DYNC1LI1: variants seen among roughly 807,000 people sequenced by gnomAD.
DYNC1LI1 encodes cytoplasmic dynein 1 light intermediate chain 1.
Under a neutral mutation model 63.8 loss-of-function variants are expected in DYNC1LI1, and 19 were observed. The observed-to-expected ratio is 0.30, with a 90% CI of 0.21 to 0.44. The LOEUF is 0.44. Among genes scored for constraint, DYNC1LI1 ranks in the 20% least tolerant of loss-of-function variants. The probability of loss-of-function intolerance (pLI) is 1.00; values close to 1 mark genes in which losing one functional copy is unlikely to be tolerated. For missense variants in DYNC1LI1, 565 were observed against 630.2 expected, an observed-to-expected ratio of 0.90 and a Z score of 1.11; for synonymous variants, 225 against 232.3, an observed-to-expected ratio of 0.97 and a Z score of 0.28.
At chr3:32,528,315 T>C (rs1380935528) in intron 12 of DYNC1LI1, 131 bp downstream of exon 12, 2 of 924,040 alleles carry the variant, frequency 2.2e-6, no homozygotes, top group African/African-American at 3.3e-5. Context: ...TAAAATCAGA[T>C]TATGGTGATG....
At chr3:32,561,684 T>C (rs916551581) in intron 2 of DYNC1LI1, among the ~76,000 whole-genome samples, 1 of 151,832 alleles carries the variant, frequency 6.6e-6, no homozygotes, top group African/African-American at 2.4e-5. Flanking sequence ...AATACTTATG[T>C]AGAAAGATTT....
chr3:32,563,060 G>A (rs979989642), intron 2 of DYNC1LI1, among the ~76,000 whole-genome samples: 1 of 151,908 alleles, frequency 6.6e-6, no homozygotes, highest in Non-Finnish European at 1.5e-5. Flanking sequence ...ACTACTTTGA[G>A]TCTCTTCCCC....
Position 32,540,014 on chromosome 3 carries a change from G to A in DYNC1LI1, c.738+1023C>T, listed in dbSNP as rs533143166. On this transcript the variant is annotated intron_variant, in intron 5 of 12. Transcript: ENST00000273130. ...TGAGTAGCTGGGACTAAAGGCGCCC[G>A]CCACCACGCCTGGCTAATTTTTTTG... is the stretch of plus-strand genomic sequence containing the variant. 4.0e-3 allele frequency among the ~76,000 whole-genome samples: 605 copies of A among 150,992 alleles called. 15 individuals carry two copies. Among genetic ancestry groups the A allele is most frequent in the Non-Finnish European group, 9.0e-4 (61 of 67,810 alleles).
chr3:32,530,679 C>T, intron 8 of DYNC1LI1, 159 bp from the exon 9 acceptor site: 1 of 639,514 alleles, frequency 1.6e-6, no homozygotes, highest in East Asian at 2.8e-5. Flanking sequence ...TACCCAAGGC[C>T]TTCAGCAGAG....
Position 32,526,701 on chromosome 3 carries a change from A to G in DYNC1LI1, c.*98T>C, listed in dbSNP as rs1697623482. 1.2e-6 allele frequency: 1 copy of G among 862,818 alleles called. No homozygotes were observed. Among genetic ancestry groups the G allele is most frequent in the Non-Finnish European group, 1.9e-6 (1 of 530,738 alleles). 53.4% of individuals were successfully genotyped at this position (862,818 alleles called of 1,614,324 possible). On this transcript the variant is annotated 3_prime_UTR_variant, in exon 13 of 13. Coordinates refer to ENST00000273130, the MANE Select transcript of DYNC1LI1 (RefSeq NM_016141.4). ...CACGACATAAATTTAGTCCATCTGA[A>G]GAAGCACTCCAGCTTTCTAATTCCA...
rs975843700 is a variant in DYNC1LI1 at position 32,570,165 on chromosome 3, G to A, written c.220+181C>T. ...CCTGAGGGAGGGCGGGTCCCCGCAG[G>A]TCCTGGGTCAAGGGTCTCGTGTTCC... is the stretch of plus-strand genomic sequence containing the variant. On this transcript the variant is annotated intron_variant, in intron 2 of 12. Coordinates refer to ENST00000273130, the MANE Select transcript of DYNC1LI1 (RefSeq NM_016141.4). 2.1e-5 allele frequency: 15 copies of A among 707,234 alleles called. No homozygotes were observed. In the Middle Eastern group the frequency reaches 2.3e-3, roughly 108 times the overall value. The allele number at this position is 707,234 out of a possible 1,614,324, so 43.8% of individuals were successfully genotyped here.
In DYNC1LI1 at chr3:32,541,063, T is replaced by C. The variant is rs1697873516; in HGVS notation, c.712A>G (p.Ile238Val). Residue 238 changes from isoleucine (I) to valine (V), a missense_variant, in exon 5 of 13, where the codon ATT becomes GTT. By Grantham distance (29) the Ile-to-Val change is conservative. Transcript: ENST00000273130. ...TTTGTGCAAACTACTAGTACTGGAA[T>C]GCCCAAGTTATGTGTAAGTGTATCC... ...GADTLTHNLG[I>V]PVLVVCTKCD... 2 of 1,611,668 alleles carry C rather than the reference T, an allele frequency of 1.2e-6. No individual in the cohort carries two copies. Among genetic ancestry groups the C allele is most frequent in the Non-Finnish European group, 1.7e-6 (2 of 1,178,930 alleles).
At chr3:32,537,909 A>AATT (rs1697799043) in intron 5 of DYNC1LI1, among the ~76,000 whole-genome samples, 1 of 82,080 alleles carries the variant, frequency 1.2e-5, no homozygotes, top group African/African-American at 5.3e-5. Context: ...TAATATATAT[A>AATT]TATAATTTAT....
chr3:32,553,842 T>C (rs540688672), intron 2 of DYNC1LI1, among the ~76,000 whole-genome samples: 3 of 152,352 alleles, frequency 2.0e-5, no homozygotes, highest in South Asian at 2.1e-4. Context: ...TCTGGATTCA[T>C]AGGAATTTAA....
chr3:32,551,776 T>C (rs1698045888), intron 2 of DYNC1LI1, among the ~76,000 whole-genome samples: 1 of 152,172 alleles, frequency 6.6e-6, no homozygotes, highest in South Asian at 2.1e-4. Flanking sequence ...ACCATCCTCT[T>C]TACCAGCTGC....
chr3:32,558,625 C>T (rs1390008289), intron 2 of DYNC1LI1, among the ~76,000 whole-genome samples: 3 of 152,050 alleles, frequency 2.0e-5, no homozygotes, highest in African/African-American at 7.2e-5. Context: ...GCGGGCCGAT[C>T]ATCTGAGGTT....
At chr3:32,547,468 A>G (rs1697971225) in intron 2 of DYNC1LI1, among the ~76,000 whole-genome samples, 1 of 151,546 alleles carries the variant, frequency 6.6e-6, no homozygotes, top group African/African-American at 2.4e-5. Context: ...TTCCATGTTA[A>G]GCTAAAAAAA....
intron 2 of DYNC1LI1, among the ~76,000 whole-genome samples, chr3:32,558,969 C>T (rs1326698050): frequency 6.6e-6 from 1 of 151,968 alleles, no homozygotes; most frequent in South Asian, 2.1e-4. Flanking sequence ...TCCATTTGTT[C>T]CCCAACTTCT....
chr3:32,557,802 G>C (rs1009142070), intron 2 of DYNC1LI1, among the ~76,000 whole-genome samples: 1 of 152,164 alleles, frequency 6.6e-6, no homozygotes, highest in Non-Finnish European at 1.5e-5. Flanking sequence ...TCAGCTGGCA[G>C]TGAAACAGAC....
chr3:32,532,943 A>G (rs374210834), intron 8 of DYNC1LI1, 43 bp downstream of exon 8: 94 of 1,515,424 alleles, frequency 6.2e-5, no homozygotes, highest in Non-Finnish European at 8.1e-5. Flanking sequence ...CCCTCAGGTT[A>G]GTCTAAAGTC....
rs796169168 is a variant in DYNC1LI1, at chr3:32,543,439, G to A, written c.568+1437C>T. On this transcript the variant is annotated intron_variant, in intron 4 of 12. Coordinates refer to ENST00000273130, the MANE Select transcript of DYNC1LI1 (RefSeq NM_016141.4). The stretch of plus-strand genomic sequence containing the variant: ...TTTTGAGACGGAGTCTTGCTCTGTC[G>A]CCCAGGCTGGAGTACAGTGGCGCAA... 1.0e-4 allele frequency among the ~76,000 whole-genome samples: 14 copies of A among 134,044 alleles called. 1 individual carries two copies. Among genetic ancestry groups the A allele is most frequent in the African/African-American group, 2.8e-4 (10 of 35,178 alleles). 87.9% of individuals were successfully genotyped at this position (134,044 alleles called of 152,430 possible).
At chr3:32,531,843 G>C (rs561969881) in intron 8 of DYNC1LI1, 1 of 152,144 alleles carries the variant, frequency 6.6e-6, no homozygotes, top group Non-Finnish European at 1.5e-5. Flanking sequence ...TCCTTCATCC[G>C]AAATGCTTGC....
chr3:32,529,353 G>A (rs776913818), intron 11 of DYNC1LI1, among the ~76,000 whole-genome samples, 187 bp downstream of exon 11: 82 of 152,244 alleles, frequency 5.4e-4, no homozygotes, highest in Admixed American at 1.2e-3. Context: ...TGGAAATGAT[G>A]ATACATCACA....
intron 4 of DYNC1LI1, among the ~76,000 whole-genome samples, chr3:32,542,665 C>T (rs953764139): frequency 6.6e-6 from 1 of 152,040 alleles, no homozygotes; most frequent in African/African-American, 2.4e-5. Context: ...TTGGCCTCCC[C>T]AAGTGTTGGG....
Sources: gnomAD v4.1 joint callset for allele counts (sites outside exome capture counted in the v4.1 genomes callset) on GRCh38, gnomAD v4.1.1 for gene constraint, MANE v1.5 for transcripts, NCBI Gene and HGNC (gene_info 2026-07-23, HGNC 2026-07-21) for gene names.